OGDH: variants seen among roughly 807,000 people sequenced by gnomAD.
The protein encoded by OGDH is oxoglutarate dehydrogenase.
In OGDH, 38 loss-of-function variants were observed where a neutral mutation model predicts 116.6. The ratio of observed to expected loss-of-function variants is 0.33; its 90% CI spans 0.25 to 0.43. OGDH has a LOEUF of 0.43. Ranked by LOEUF, OGDH falls within the 20% of genes least tolerant of loss-of-function variation. The probability of loss-of-function intolerance (pLI) is 1.00; values close to 1 mark genes in which losing one functional copy is unlikely to be tolerated. For synonymous variants in OGDH, 488 were observed against 533.3 expected, an observed-to-expected ratio of 0.92 and a Z score of 1.17; for missense variants, 825 against 1,357.2, an observed-to-expected ratio of 0.61 and a Z score of 6.16.
At position 44,707,631 on chromosome 7, in the gene OGDH, C is replaced by T; in HGVS notation, c.2846C>T (p.Pro949Leu). ...DLLLKEVQKY[P>L]NAELAWCQEE... ...CTGCTGAAGGAGGTGCAGAAGTACC[C>T]CAATGCTGAGCTGGCCTGGTGCCAG... Residue 949 changes from proline (P) to leucine (L), a missense_variant, in exon 22 of 23, where the codon CCC (proline) becomes CTC (leucine). Coordinates refer to ENST00000222673, the MANE Select transcript of OGDH (RefSeq NM_002541.4). The surrounding 1 kb of genome is among the most constrained non-coding windows in gnomAD (Gnocchi z 5.2). 6.2e-7 allele frequency: 1 copy of T among 1,614,192 alleles called. No homozygotes were observed. Among genetic ancestry groups the T allele is most frequent in the Non-Finnish European group, 8.5e-7 (1 of 1,180,038 alleles).
chr7:44,624,568 A>G lies in OGDH; in HGVS notation c.222+3A>G. ...AAAACCCCAAAAGTGTACATAAGGT[A>G]AGGCTCGCAGGGCTGTGGGTCTGCC... On this transcript the variant is annotated splice_donor_region_variant and intron_variant, in intron 2 of 22. Transcript: ENST00000222673. 1 of 1,612,616 alleles carries G rather than the reference A, an allele frequency of 6.2e-7. No homozygotes were observed. Among genetic ancestry groups the G allele is most frequent in the Non-Finnish European group, 8.5e-7 (1 of 1,179,568 alleles).
chr7:44,676,152 A>G lies in OGDH; in HGVS notation c.1206+3A>G, dbSNP rs948215682. On this transcript the variant is annotated splice_donor_region_variant and intron_variant, in intron 9 of 22. Transcript: ENST00000222673. ...GTGGCGACACTGAAGGGAAAAAGGT[A>G]AGGCCCAGAGAGAGGCGTGCAAGGC... 1.2e-6 allele frequency: 2 copies of G among 1,614,178 alleles called. No homozygotes were observed. The highest frequency in any genetic ancestry group is 1.7e-6 in the Non-Finnish European group (2 of 1,180,032).
chr7:44,615,126 C>T (rs942938450), intron 1 of OGDH, among the ~76,000 whole-genome samples: 5 of 152,110 alleles, frequency 3.3e-5, no homozygotes, highest in Admixed American at 6.6e-5. Context: ...CCACCATGCC[C>T]GGACAAGATT....
intron 5 of OGDH, among the ~76,000 whole-genome samples, chr7:44,669,196 A>T (rs1248199850): frequency 4.9e-5 from 6 of 121,632 alleles, no homozygotes; most frequent in Non-Finnish European, 8.0e-5. Context: ...TCTGTCACCC[A>T]GGCTGGAGGG....
At chr7:44,638,125 G>A (rs1470590426) in intron 2 of OGDH, among the ~76,000 whole-genome samples, 1 of 152,168 alleles carries the variant, frequency 6.6e-6, no homozygotes, top group East Asian at 1.9e-4. Context: ...AATTAACTGT[G>A]TGTAACTGTA....
At chr7:44,687,059 A>G (rs1234950270) in intron 10 of OGDH, among the ~76,000 whole-genome samples, 1 of 127,672 alleles carries the variant, frequency 7.8e-6, no homozygotes, top group Non-Finnish European at 1.7e-5. Flanking sequence ...TCTGTTTGGG[A>G]TATGCTCATG....
chr7:44,660,941 T>C (rs1432168476), intron 4 of OGDH, among the ~76,000 whole-genome samples: 1 of 149,366 alleles, frequency 6.7e-6, no homozygotes, highest in East Asian at 2.0e-4. Flanking sequence ...CACGCGCGTG[T>C]GCACACACAC....
chr7:44,704,691 G>A (rs906203476), intron 20 of OGDH, among the ~76,000 whole-genome samples: 1 of 151,654 alleles, frequency 6.6e-6, no homozygotes, highest in African/African-American at 2.4e-5. Context: ...TTGGTTTTGG[G>A]TTTGGGTGTT....
intron 1 of OGDH, among the ~76,000 whole-genome samples, chr7:44,614,986 A>G (rs1198309580): frequency 6.6e-6 from 1 of 151,964 alleles, no homozygotes; most frequent in Non-Finnish European, 1.5e-5. Flanking sequence ...ATGTGCCACC[A>G]TGCCAGGCTA....
In OGDH at chr7:44,694,334, C is replaced by A; in HGVS notation, c.1516-90C>A. ...CATGAGGAATGAAGAACGTGGCCAT[C>A]ACCTAGGAGAGATGGGGCAGGTGCC... On this transcript the variant is annotated intron_variant, in intron 11 of 22. Coordinates refer to ENST00000222673, the MANE Select transcript of OGDH (RefSeq NM_002541.4). This position sits in a 1 kb window ranked among gnomAD's most constrained non-coding sequence, Gnocchi z 4.2. 1 of 1,497,758 alleles carries A rather than the reference C, an allele frequency of 6.7e-7. No individual in the cohort carries two copies. The highest frequency in any genetic ancestry group is 9.0e-7 in the Non-Finnish European group (1 of 1,108,138). The allele number at this position is 1,497,758 out of a possible 1,614,324, so 92.8% of individuals were successfully genotyped here. A position where few individuals can be genotyped will look rare whatever the true frequency, so the allele number is the denominator to read the frequency against.
At chr7:44,611,353 C>G (rs962420045) in intron 1 of OGDH, among the ~76,000 whole-genome samples, 2 of 152,144 alleles carry the variant, frequency 1.3e-5, no homozygotes, top group African/African-American at 4.8e-5. Flanking sequence ...ACTGCAACCT[C>G]CGCCTTCCGG....
Position 44,697,841 on chromosome 7 carries a change from C to T in OGDH, c.2358+59C>T. 4 of 1,546,386 alleles carry T rather than the reference C, an allele frequency of 2.6e-6. No homozygotes were observed. Among genetic ancestry groups the T allele is most frequent in the Non-Finnish European group, 3.5e-6 (4 of 1,149,104 alleles). On this transcript the variant is annotated intron_variant, in intron 17 of 22. Coordinates refer to ENST00000222673, the MANE Select transcript of OGDH (RefSeq NM_002541.4). This position sits in a 1 kb window ranked among gnomAD's most constrained non-coding sequence, Gnocchi z 6.0. ...ACTTGGGAAGGGCCTGTGTAGGACC[C>T]TGACCCCAAAGACTGGCACGAGAGC...
intron 5 of OGDH, among the ~76,000 whole-genome samples, chr7:44,671,010 C>CAAAA (rs111818473): frequency 1.7e-4 from 12 of 68,596 alleles, no homozygotes; most frequent in African/African-American, 3.8e-4. Flanking sequence ...GACTCCATCT[C>CAAAA]AAAAAAAAAA....
At chr7:44,676,956 C>T (rs903175580) in intron 9 of OGDH, among the ~76,000 whole-genome samples, 7 of 152,194 alleles carry the variant, frequency 4.6e-5, no homozygotes, top group African/African-American at 1.7e-4. Context: ...CGGAGGAGGG[C>T]ACAGACTGCA....
chr7:44,654,045 G>T (rs1786576421), intron 4 of OGDH, among the ~76,000 whole-genome samples: 2 of 151,954 alleles, frequency 1.3e-5, no homozygotes, highest in Non-Finnish European at 2.9e-5. Flanking sequence ...AGTAGAGACG[G>T]TGTTTCACCA....
chr7:44,676,293 C>T (rs1004744708), intron 9 of OGDH, 144 bp downstream of exon 9: 53 of 1,519,166 alleles, frequency 3.5e-5, no homozygotes, highest in Admixed American at 6.0e-5. Context: ...CAGTGTCTCA[C>T]GCCTGTAATC....
At position 44,696,519 on chromosome 7, in the gene OGDH, C is replaced by T; in HGVS notation, c.1862C>T (p.Ala621Val). The T allele has an allele frequency of 1.2e-6, 2 of 1,614,222 alleles. No individual in the cohort carries two copies. Among genetic ancestry groups the T allele is most frequent in the Non-Finnish European group, 1.7e-6 (2 of 1,180,042 alleles). The change falls in exon 14 of 23, where the codon GCT becomes GTT. Residue 621 changes from alanine to valine, a missense_variant. Around this residue, in one of 7 missense-constraint regions of OGDH, gnomAD observed 92 missense variants for 129.7 expected, o/e 0.71. Transcript: ENST00000222673. The part of the protein sequence containing the change: ...EDILTHIGNV[A>V]SSVPVENFTI... Reference sequence around the variant, plus strand: ...ATTCTGACACACATCGGGAATGTGGCTAGTTCTGTGCCTGTGGAAAACTTT... The same window carrying T: ...ATTCTGACACACATCGGGAATGTGGTTAGTTCTGTGCCTGTGGAAAACTTT...
At chr7:44,698,381 C>A in intron 18 of OGDH, 118 bp downstream of exon 18, 1 of 1,053,302 alleles carries the variant, frequency 9.5e-7, no homozygotes, top group Non-Finnish European at 1.4e-6. Flanking sequence ...TCCCTTTCTC[C>A]ATCCTGGGGA....
At chr7:44,704,899 C>T (rs182025443) in intron 20 of OGDH, among the ~76,000 whole-genome samples, 10 of 151,440 alleles carry the variant, frequency 6.6e-5, no homozygotes, top group African/African-American at 2.4e-4. Flanking sequence ...TTAGTATAGA[C>T]AGGGTTCCAC....
Sources: allele counts gnomAD v4.1 joint callset (sites outside exome capture counted in the v4.1 genomes callset), GRCh38; gene constraint gnomAD v4.1.1; regional missense constraint gnomAD v4.1.1; non-coding constraint Gnocchi (gnomAD v3.1); transcripts MANE v1.5; gene names NCBI Gene and HGNC (gene_info 2026-07-23, HGNC 2026-07-21).